Variants in CCDC9B observed in about 807,000 individuals in gnomAD.
CCDC9B encodes coiled-coil domain-containing protein 9B.
A neutral mutation model predicts 47.2 loss-of-function variants in CCDC9B; 40 were observed. The observed-to-expected ratio is 0.85, with a 90% confidence interval of 0.66 to 1.10. CCDC9B has a LOEUF of 1.10. CCDC9B is among the 50% of genes least tolerant of loss of function. CCDC9B has a pLI of 0.00. For synonymous variants in CCDC9B, 238 were observed against 250.7 expected, an observed-to-expected ratio of 0.95 and a Z score of 0.48; for missense variants, 662 against 651.0, an observed-to-expected ratio of 1.02 and a Z score of -0.18.
Position 40,340,035 on chromosome 15 carries a change from A to G in CCDC9B, c.13-20T>C. On this transcript the variant is annotated intron_variant, in intron 1 of 10. Coordinates refer to ENST00000397536, the MANE Select transcript of CCDC9B (RefSeq NM_207380.3). ...AGTTCCCTGCAGAGGCAGGGAACCC[A>G]AGCTCCTGACTTCCGGGTCCCCCTC... 5 of 1,538,128 alleles carry G rather than the reference A, an allele frequency of 3.3e-6. No homozygotes were observed. The South Asian group carries it at 4.5e-5, about 14-fold the overall frequency.
chr15:40,337,942 TG>T (rs1317751956), intron 5 of CCDC9B, 49 bp from the exon 6 acceptor site: 1 of 1,549,786 alleles, frequency 6.5e-7, no homozygotes, highest in East Asian at 2.3e-5. Flanking sequence ...GGAAGAGGCT[TG>T]GGGTGGGGTT....
In CCDC9B at chr15:40,333,713, G is replaced by T. The variant is rs1888901416; in HGVS notation, c.*1445C>A. ...TGCCCCTCACCTTCCTGAATAGAGG[G>T]GTGGGGTGGAGTTGAGAGCCAGTGA... On this transcript the variant is annotated 3_prime_UTR_variant, in exon 11 of 11. Transcript: ENST00000397536. 3 of 673,310 alleles carry T rather than the reference G, an allele frequency of 4.5e-6. No individual in the cohort carries two copies. The highest frequency in any genetic ancestry group is 2.0e-5 in the African/African-American group (1 of 50,932). 41.7% of individuals were successfully genotyped at this position (673,310 alleles called of 1,614,324 possible).
intron 9 of CCDC9B, 118 bp downstream of exon 9, chr15:40,336,456 C>G (rs1350279450): frequency 6.8e-7 from 1 of 1,460,570 alleles, no homozygotes. Context: ...ACCTGCCAGG[C>G]AGCAGTCAGC....
At chr15:40,336,310 T>C (rs1888957745) in intron 9 of CCDC9B, 1 of 985,408 alleles carries the variant, frequency 1.0e-6, no homozygotes, top group Non-Finnish European at 1.2e-6. Flanking sequence ...ACTCCAGGCA[T>C]GTCCCCGCCT....
Position 40,335,151 on chromosome 15 carries a change from G to C in CCDC9B, c.*7C>G. The C allele has an allele frequency of 6.7e-7, 1 of 1,497,754 alleles. No homozygotes were observed. The highest frequency in any genetic ancestry group is 8.9e-7 in the Non-Finnish European group (1 of 1,123,874). 92.8% of individuals were successfully genotyped at this position (1,497,754 alleles called of 1,614,324 possible). A position where few individuals can be genotyped will look rare whatever the true frequency, so the allele number is the denominator to read the frequency against. On this transcript the variant is annotated 3_prime_UTR_variant, in exon 11 of 11. Transcript: ENST00000397536. Reference sequence around the variant, plus strand: ...CCCGGGGACTCCCCAGCTCCCAGGAGCTGTGTTCAGCATCTTCCTGCCGGG... The same window carrying C: ...CCCGGGGACTCCCCAGCTCCCAGGACCTGTGTTCAGCATCTTCCTGCCGGG...
Position 40,339,577 on chromosome 15 carries a change from C to A in CCDC9B, c.166G>T (p.Ala56Ser). The change falls in exon 3 of 11, where the codon GCT becomes TCT. Residue 56 changes from alanine (A) to serine (S), a missense_variant. By Grantham distance (99) the Ala-to-Ser change is moderately conservative. Transcript: ENST00000397536. Reference protein sequence around the residue: ...DRRQAEQGGMAVTTPALLQPD... With the variant: ...DRRQAEQGGMSVTTPALLQPD... ...TGGAGGAGTGCTGGTGTGGTCACAGCCATCCCCCCCTGCTCTGCCTGCCGA... is the reference window on the plus strand; with the variant it reads ...TGGAGGAGTGCTGGTGTGGTCACAGACATCCCCCCCTGCTCTGCCTGCCGA... 6.2e-7 allele frequency: 1 copy of A among 1,613,668 alleles called. No individual in the cohort carries two copies. The highest frequency in any genetic ancestry group is 8.5e-7 in the Non-Finnish European group (1 of 1,179,844).
At position 40,336,682 on chromosome 15, in the gene CCDC9B, C is replaced by T. The variant is rs1358057044; in HGVS notation, c.797-18G>A. 3.7e-6 allele frequency: 6 copies of T among 1,609,984 alleles called. No individual in the cohort carries two copies. Among genetic ancestry groups the T allele is most frequent in the Non-Finnish European group, 5.1e-6 (6 of 1,177,058 alleles). ...GCCCCGACCTGCAAGAGATGGTCGG[C>T]CAAGGAGAGAAGAGGCCCATAGCAG... On this transcript the variant is annotated intron_variant, in intron 8 of 10. Coordinates refer to ENST00000397536, the MANE Select transcript of CCDC9B (RefSeq NM_207380.3).
chr15:40,340,113 C>T, intron 1 of CCDC9B, 98 bp from the exon 2 acceptor site: 1 of 721,636 alleles, frequency 1.4e-6, no homozygotes. Flanking sequence ...GATCCCAGAC[C>T]CACAGCTAAG....
rs772903793 is a variant in CCDC9B, at chr15:40,340,832, C to G, written c.-13G>C. The G allele has an allele frequency of 6.2e-7, 1 of 1,608,860 alleles. No homozygotes were observed. Among genetic ancestry groups the G allele is most frequent in the Non-Finnish European group, 8.5e-7 (1 of 1,178,336 alleles). On this transcript the variant is annotated 5_prime_UTR_variant, in exon 1 of 11. Transcript: ENST00000397536. The stretch of plus-strand genomic sequence containing the variant: ...CAGCCGAGTGCATGGCAACGGCGGG[C>G]ACCGAGAGAATTCCAGAGCAGCCCC...
Position 40,340,805 on chromosome 15 carries a change from C to T in CCDC9B, c.12+3G>A. The stretch of plus-strand genomic sequence containing the variant: ...CCCCTGCCAAAGGCAGACTGCCACT[C>T]ACAGCCGAGTGCATGGCAACGGCGG... On this transcript the variant is annotated splice_donor_region_variant and intron_variant, in intron 1 of 10. Transcript: ENST00000397536. The T allele has an allele frequency of 6.2e-7, 1 of 1,608,260 alleles. No individual in the cohort carries two copies. The highest frequency in any genetic ancestry group is 8.5e-7 in the Non-Finnish European group (1 of 1,178,122).
Position 40,336,765 on chromosome 15 carries a change from C to T in CCDC9B, c.791G>A (p.Gly264Glu), listed in dbSNP as rs1330554172. 1 of 1,600,722 alleles carries T rather than the reference C, an allele frequency of 6.2e-7. No homozygotes were observed. The highest frequency in any genetic ancestry group is 1.1e-5 in the South Asian group (1 of 89,880). ...CCTCCTCCTCCCCAACTCACCTTTTCCATCAGGGAGCAATGGTGGGGGCTG... is the reference window on the plus strand; with the variant it reads ...CCTCCTCCTCCCCAACTCACCTTTTTCATCAGGGAGCAATGGTGGGGGCTG... The part of the protein sequence containing the change: ...KLQPPPLLPD[G>E]KGRGGQASRP... The change falls in exon 8 of 11, where the codon GGA (glycine) becomes GAA (glutamate). Residue 264 changes from glycine to glutamate, a missense_variant. Coordinates refer to ENST00000397536, the MANE Select transcript of CCDC9B (RefSeq NM_207380.3).
chr15:40,340,193 A>G, intron 1 of CCDC9B, 178 bp from the exon 2 acceptor site: 2 of 599,972 alleles, frequency 3.3e-6, no homozygotes, highest in Non-Finnish European at 3.0e-6. Context: ...CATTCCAGCT[A>G]GGCCCGTCTG....
At position 40,340,782 on chromosome 15, in the gene CCDC9B, CCTGCCAAAGGCAGA is replaced by C; in HGVS notation, c.12+12_12+25del. 6.3e-7 allele frequency: 1 copy of C among 1,596,810 alleles called. No individual in the cohort carries two copies. The highest frequency in any genetic ancestry group is 8.5e-7 in the Non-Finnish European group (1 of 1,172,792). ...GCCCCCTCCCAGTCCCAAGAAGCCC[CCTGCCAAAGGCAGA>C]CTGCCACTCACAGCCGAGTGCATGG... On this transcript the variant is annotated intron_variant, in intron 1 of 10. Transcript: ENST00000397536.
chr15:40,336,529 G>T (rs1888962626), intron 9 of CCDC9B, 45 bp downstream of exon 9: 16 of 1,597,870 alleles, frequency 1.0e-5, no homozygotes, highest in African/African-American at 1.3e-5. Flanking sequence ...AGGAAATTGG[G>T]ACACCCACAT....
In CCDC9B at chr15:40,336,775, G is replaced by T; in HGVS notation, c.781C>A (p.Leu261Ile). 2 of 1,602,328 alleles carry T rather than the reference G, an allele frequency of 1.2e-6. No homozygotes were observed. The highest frequency in any genetic ancestry group is 1.7e-6 in the Non-Finnish European group (2 of 1,175,554). ...SHQKLQPPPLLPDGKGRGGQA... is the reference protein window; with the variant it reads ...SHQKLQPPPLIPDGKGRGGQA... ...CCCAACTCACCTTTTCCATCAGGGA[G>T]CAATGGTGGGGGCTGTAGTTTCTGG... The change falls in exon 8 of 11, where the codon CTC (leucine) becomes ATC (isoleucine). Residue 261 changes from leucine to isoleucine, a missense_variant. Transcript: ENST00000397536.
chr15:40,335,934 G>C, intron 9 of CCDC9B, 108 bp from the exon 10 acceptor site: 1 of 1,535,504 alleles, frequency 6.5e-7, no homozygotes, highest in Non-Finnish European at 8.8e-7. Flanking sequence ...GAGGAAGGCT[G>C]AGCTGGGACC....
chr15:40,340,614 G>C, intron 1 of CCDC9B, 194 bp downstream of exon 1: 1 of 605,868 alleles, frequency 1.7e-6, no homozygotes, highest in South Asian at 2.1e-5. Flanking sequence ...GAGTCACCCT[G>C]GGCAAGCCAT....
chr15:40,339,671 G>A (rs759843979), intron 2 of CCDC9B, 52 bp from the exon 3 acceptor site: 1 of 1,606,574 alleles, frequency 6.2e-7, no homozygotes, highest in Non-Finnish European at 8.5e-7. Context: ...GGTGCACAGA[G>A]ACATAGATGC....
At position 40,334,961 on chromosome 15, in the gene CCDC9B, T is replaced by C. The variant is rs148064363; in HGVS notation, c.*197A>G. The stretch of plus-strand genomic sequence containing the variant: ...GTGCCCGTGCGTGAAAACACACATG[T>C]GCACAGAGATGAGCGTGTGAGGTGC... On this transcript the variant is annotated 3_prime_UTR_variant, in exon 11 of 11. Transcript: ENST00000397536. The C allele has an allele frequency of 5.7e-4, 269 of 467,838 alleles. 1 individual carries two copies. Among genetic ancestry groups the C allele is most frequent in the African/African-American group, 4.8e-3 (242 of 50,840 alleles). 29.0% of individuals were successfully genotyped at this position (467,838 alleles called of 1,614,324 possible). A position where few individuals can be genotyped will look rare whatever the true frequency, so the allele number is the denominator to read the frequency against.
Sources: gnomAD v4.1 joint callset for allele counts on GRCh38, gnomAD v4.1.1 for gene constraint, MANE v1.5 for transcripts, NCBI Gene and HGNC (gene_info 2026-07-23, HGNC 2026-07-21) for gene names.